The following MS4A15 variants were observed in gnomAD, a reference collection of about 807,000 sequenced individuals.
MS4A15 encodes the protein membrane spanning 4-domains A15, also known as membrane-spanning 4-domains subfamily A member 15.
Under a neutral mutation model 20.6 loss-of-function variants are expected in MS4A15, and 22 were observed. That is an observed-to-expected ratio of 1.07 (90% CI 0.76 to 1.52). The LOEUF (loss-of-function observed/expected upper bound fraction) is 1.52, where lower values mean the gene tolerates loss of function less well. Ranked by LOEUF, MS4A15 falls within the 40% of genes most tolerant of loss-of-function variation. The pLI is 0.00. For missense variants in MS4A15, 312 were observed against 323.0 expected (o/e 0.97, Z 0.26); for synonymous variants, 129 against 129.3 (o/e 1.00, Z 0.02).
chr11:60,768,296 C>CGTTT (rs1254653276), intron 3 of MS4A15, among the ~76,000 whole-genome samples: 1 of 152,222 alleles, frequency 6.6e-6, no homozygotes, highest in Non-Finnish European at 1.5e-5. Context: ...CCCGCAGAAA[C>CGTTT]CCTCTAGCTC....
intron 2 of MS4A15, among the ~76,000 whole-genome samples, chr11:60,764,761 T>C (rs968621795): frequency 2.6e-5 from 4 of 151,928 alleles, no homozygotes; most frequent in African/African-American, 7.3e-5. Flanking sequence ...ATACAAAAAT[T>C]AGCTGGGTGT....
chr11:60,770,584 C>A (rs1854009566), intron 3 of MS4A15, among the ~76,000 whole-genome samples: 1 of 148,956 alleles, frequency 6.7e-6, no homozygotes, highest in South Asian at 2.1e-4. Context: ...TGTGACAGAG[C>A]AAGACTCCAT....
chr11:60,769,863 T>C (rs1008253396), intron 3 of MS4A15, among the ~76,000 whole-genome samples: 1 of 152,176 alleles, frequency 6.6e-6, no homozygotes, highest in African/African-American at 2.4e-5. Context: ...CATGCTGAGC[T>C]ACACCTGCTT....
Position 60,763,878 on chromosome 11 carries a change from G to A in MS4A15, c.145G>A (p.Ala49Thr). The A allele has an allele frequency of 1.9e-6, 3 of 1,613,008 alleles. No homozygotes were observed. Among genetic ancestry groups the A allele is most frequent in the Non-Finnish European group, 1.7e-6 (2 of 1,179,890 alleles). The change falls in exon 2 of 7, where the codon GCA becomes ACA. Residue 49 changes from alanine (A) to threonine (T), a missense_variant. Ala to Thr is a moderately conservative substitution (Grantham distance 58, BLOSUM62 0). Transcript: ENST00000405633. ...GCAGTTTGAGGAGCCACCGCTGGGG[G>A]CACAGACACCAAGGGCCACACAGCC... ...IMQFEEPPLGAQTPRATQPPD... is the reference protein window; with the variant it reads ...IMQFEEPPLGTQTPRATQPPD...
intron 4 of MS4A15, among the ~76,000 whole-genome samples, chr11:60,771,943 G>A (rs72912902): frequency 2.0e-5 from 3 of 152,152 alleles, no homozygotes; most frequent in African/African-American, 4.8e-5. Flanking sequence ...GGCAGCGAAG[G>A]TCATGAACAT....
At chr11:60,759,083 G>A (rs755075688) in intron 1 of MS4A15, among the ~76,000 whole-genome samples, 15 of 152,232 alleles carry the variant, frequency 9.9e-5, no homozygotes, top group South Asian at 6.2e-4. Context: ...TTCTTGCAGC[G>A]TAAGAGCTCC....
chr11:60,765,838 C>T (rs1853872017), intron 2 of MS4A15, among the ~76,000 whole-genome samples: 1 of 147,816 alleles, frequency 6.8e-6, no homozygotes, highest in Non-Finnish European at 1.5e-5. Flanking sequence ...GCTGGAATTT[C>T]GAAGCCTCAA....
chr11:60,765,197 A>C (rs751401218), intron 2 of MS4A15, among the ~76,000 whole-genome samples: 60 of 152,250 alleles, frequency 3.9e-4, no homozygotes, highest in Non-Finnish European at 7.1e-4. Flanking sequence ...CATTAGCTGA[A>C]ACCCAGCTAT....
Position 60,775,649 on chromosome 11 carries a change from C to T in MS4A15, c.657C>T (p.Ile219=). Residue 219 remains isoleucine (I), a synonymous_variant, in exon 7 of 7, where the codon ATC becomes ATT. Coordinates refer to ENST00000405633, the MANE Select transcript of MS4A15 (RefSeq NM_001098835.2). ...LPNAFSADFN[I]PSPAASAPPA... is the part of the protein sequence containing the mutation. Reference sequence around the variant, plus strand: ...ACGCCTTCAGCGCAGACTTCAACATCCCCAGCCCGGCAGCCTCTGCGCCCC... The same window carrying T: ...ACGCCTTCAGCGCAGACTTCAACATTCCCAGCCCGGCAGCCTCTGCGCCCC... The T allele has an allele frequency of 1.2e-6, 2 of 1,613,980 alleles. No homozygotes were observed. The highest frequency in any genetic ancestry group is 1.7e-6 in the Non-Finnish European group (2 of 1,179,920).
At chr11:60,771,194 G>A (rs1854027120) in intron 3 of MS4A15, 97 bp from the exon 4 acceptor site, 15 of 1,423,190 alleles carry the variant, frequency 1.1e-5, no homozygotes, top group Non-Finnish European at 1.5e-5. Context: ...TCAGGAGGCT[G>A]TTGTCTCTCC....
At chr11:60,767,152 A>C (rs1158927702) in intron 2 of MS4A15, among the ~76,000 whole-genome samples, 2 of 152,154 alleles carry the variant, frequency 1.3e-5, no homozygotes, top group Non-Finnish European at 2.9e-5. Context: ...TGGACGCTGC[A>C]GATTGACAGG....
intron 6 of MS4A15, among the ~76,000 whole-genome samples, 163 bp downstream of exon 6, chr11:60,774,113 G>T (rs1286305756): frequency 6.6e-6 from 1 of 152,032 alleles, no homozygotes; most frequent in Non-Finnish European, 1.5e-5. Flanking sequence ...CATGTCAGGG[G>T]GCCCAAAGAA....
At chr11:60,770,489 T>C (rs1010077268) in intron 3 of MS4A15, among the ~76,000 whole-genome samples, 1 of 151,424 alleles carries the variant, frequency 6.6e-6, no homozygotes, top group Non-Finnish European at 1.5e-5. Context: ...TCCCAGCTAC[T>C]TGGGAGGCTG....
At chr11:60,773,737 C>G in intron 5 of MS4A15, 100 bp from the exon 6 acceptor site, 1 of 1,018,496 alleles carries the variant, frequency 9.8e-7, no homozygotes. Flanking sequence ...CACAGCTCTG[C>G]TCCCAACTAG....
chr11:60,775,450 A>G (rs1264066154), intron 6 of MS4A15, among the ~76,000 whole-genome samples, 155 bp from the exon 7 acceptor site: 1 of 152,212 alleles, frequency 6.6e-6, no homozygotes, highest in Non-Finnish European at 1.5e-5. Flanking sequence ...GTTGTTTGAA[A>G]TATTGGTTGC....
intron 1 of MS4A15, among the ~76,000 whole-genome samples, chr11:60,760,403 T>A (rs754381240): frequency 6.6e-6 from 1 of 152,192 alleles, no homozygotes; most frequent in Admixed American, 6.5e-5. Flanking sequence ...ACCCACGAGG[T>A]CTGGTGCCTA....
At chr11:60,771,401 ACT>A in intron 4 of MS4A15, 54 bp downstream of exon 4, 1 of 1,606,414 alleles carries the variant, frequency 6.2e-7, no homozygotes, top group South Asian at 1.1e-5. Flanking sequence ...GCTAAATCTC[ACT>A]CTACCCTGCC....
rs1854030211 is a variant in MS4A15 at position 60,771,271 on chromosome 11, G to T, written c.349-20G>T. The T allele has an allele frequency of 6.2e-7, 1 of 1,612,916 alleles. No individual in the cohort carries two copies. The highest frequency in any genetic ancestry group is 1.3e-5 in the African/African-American group (1 of 74,892). ...CAGGGTCCTGGCTGAGGCCTCACCT[G>T]GTCCCCTCTCCCCATACAGTTCATC... On this transcript the variant is annotated intron_variant, in intron 3 of 6. Transcript: ENST00000405633.
At chr11:60,764,025 A>G in intron 2 of MS4A15, 67 bp downstream of exon 2, 1 of 1,428,724 alleles carries the variant, frequency 7.0e-7, no homozygotes, top group Non-Finnish European at 9.6e-7. Flanking sequence ...ACATTCATGC[A>G]TGTTTTGGAG....
Sources: allele counts gnomAD v4.1 joint callset (sites outside exome capture counted in the v4.1 genomes callset), GRCh38; gene constraint gnomAD v4.1.1; transcripts MANE v1.5; gene names NCBI Gene and HGNC (gene_info 2026-07-23, HGNC 2026-07-21).